Variants in FRMD6 observed in about 807,000 individuals in gnomAD.
FRMD6 encodes FERM domain-containing protein 6.
A neutral mutation model predicts 73.2 loss-of-function variants in FRMD6; 37 were observed. That is an observed-to-expected ratio of 0.51 (90% CI 0.39 to 0.66). FRMD6 has a LOEUF of 0.66. FRMD6 is among the 30% of genes least tolerant of loss of function. The pLI is 0.00. For missense variants in FRMD6, 714 were observed against 780.5 expected (o/e 0.91, Z 1.02); for synonymous variants, 273 against 282.2 (o/e 0.97, Z 0.33).
At chr14:51,399,763 T>C in the FRMD6 span, among the ~76,000 whole-genome samples, 4 of 152,192 alleles carry the variant, frequency 2.6e-5, no homozygotes. Context: ...TATTATTGAT[T>C]GACTCTCATA....
intron 2 of FRMD6, among the ~76,000 whole-genome samples, chr14:51,600,895 A>G (rs183113325): frequency 6.6e-6 from 1 of 152,374 alleles, no homozygotes; most frequent in African/African-American, 2.4e-5. Context: ...TGCAGCAAGC[A>G]GCAGTTGCCC....
intron 1 of FRMD6, among the ~76,000 whole-genome samples, chr14:51,494,109 A>G (rs775854654): frequency 6.7e-6 from 1 of 150,162 alleles, no homozygotes; most frequent in Non-Finnish European, 1.5e-5. Context: ...TGCAGACAAT[A>G]TCATTCTGTC....
At chr14:51,505,302 C>T (rs1883891513) in intron 1 of FRMD6, among the ~76,000 whole-genome samples, 1 of 152,070 alleles carries the variant, frequency 6.6e-6, no homozygotes, top group African/African-American at 2.4e-5. Context: ...AACTCCTGAC[C>T]TCAAGCAATC....
chr14:51,578,939 A>G (rs576708166), intron 2 of FRMD6: 1 of 152,184 alleles, frequency 6.6e-6, no homozygotes, highest in Non-Finnish European at 1.5e-5. Flanking sequence ...ATGGGAAGGT[A>G]ATAAATGATA....
At chr14:51,424,496 G>A in the FRMD6 span, among the ~76,000 whole-genome samples, 1 of 152,098 alleles carries the variant, frequency 6.6e-6, no homozygotes, top group Non-Finnish European at 1.5e-5. Context: ...TAAAGGCTGT[G>A]AATCAGGACG....
At chr14:51,624,855 C>A (rs1352067062) in intron 2 of FRMD6, among the ~76,000 whole-genome samples, 1 of 152,114 alleles carries the variant, frequency 6.6e-6, no homozygotes, top group Non-Finnish European at 1.5e-5. Flanking sequence ...AAAAATGTGT[C>A]TGGAAGAGTA....
chr14:51,485,151 TAC>T (rs1300749265), upstream of FRMD6, among the ~76,000 whole-genome samples: 1 of 152,202 alleles, frequency 6.6e-6, no homozygotes, highest in Non-Finnish European at 1.5e-5. Context: ...AGAACATGGT[TAC>T]AGAGGGCCTC....
intron 2 of FRMD6, among the ~76,000 whole-genome samples, chr14:51,619,707 C>G (rs1022505803): frequency 6.6e-6 from 1 of 152,190 alleles, no homozygotes; most frequent in Non-Finnish European, 1.5e-5. Flanking sequence ...GAGTTTTGTG[C>G]CTTCTAGCAG....
At chr14:51,499,467 AC>A (rs1566778531) in intron 1 of FRMD6, among the ~76,000 whole-genome samples, 2 of 152,248 alleles carry the variant, frequency 1.3e-5, no homozygotes, top group South Asian at 4.1e-4. Context: ...AAAAGCTTCA[AC>A]TACATTAACT....
At chr14:51,457,686 GC>G in the FRMD6 span, among the ~76,000 whole-genome samples, 7 of 152,168 alleles carry the variant, frequency 4.6e-5, no homozygotes, top group Admixed American at 4.6e-4. Flanking sequence ...GTAGCACTTC[GC>G]TGTAATTGGG....
intron 1 of FRMD6, among the ~76,000 whole-genome samples, chr14:51,494,689 C>T (rs11157826): frequency 0.19 from 28,359 of 152,090 alleles, 2,911 homozygotes; most frequent in Non-Finnish European, 0.24. Context: ...GGCTGCACTC[C>T]GCATTGATTT....
Position 51,676,805 on chromosome 14 carries a change from T to G in FRMD6, c.-146-12886T>G, listed in dbSNP as rs111650947. On this transcript the variant is annotated intron_variant, in intron 1 of 13. Transcript: ENST00000344768. ...AGTTCTCTGCTGCTTTCTGAATATG[T>G]CATCCTACCTCCAGCCTCCCCCACA... is the stretch of plus-strand genomic sequence containing the variant. 6.8e-3 allele frequency among the ~76,000 whole-genome samples: 1,035 copies of G among 152,290 alleles called. 14 individuals carry two copies. Among genetic ancestry groups the G allele is most frequent in the African/African-American group, 0.024 (987 of 41,586 alleles).
At chr14:51,536,976 A>G (rs962851912) in intron 1 of FRMD6, among the ~76,000 whole-genome samples, 2 of 152,214 alleles carry the variant, frequency 1.3e-5, no homozygotes, top group Admixed American at 6.5e-5. Flanking sequence ...AACTATCAAC[A>G]TTCCCCACCA....
At chr14:51,502,992 C>G (rs775014515) in intron 1 of FRMD6, among the ~76,000 whole-genome samples, 3 of 152,136 alleles carry the variant, frequency 2.0e-5, no homozygotes, top group Non-Finnish European at 4.4e-5. Flanking sequence ...ATTTGGCTCT[C>G]TGCTCACCTA....
chr14:51,525,009 G>A (rs1318434741), intron 1 of FRMD6, among the ~76,000 whole-genome samples: 1 of 137,980 alleles, frequency 7.2e-6, no homozygotes, highest in Non-Finnish European at 1.6e-5. Flanking sequence ...AGGATTGTGT[G>A]TTGGGTGGGT....
the FRMD6 span, among the ~76,000 whole-genome samples, chr14:51,420,973 C>T: frequency 7.9e-5 from 12 of 152,148 alleles, no homozygotes; most frequent in African/African-American, 2.9e-4. Flanking sequence ...AGACGGGTTT[C>T]ACCATGTTGG....
chr14:51,448,564 T>C, the FRMD6 span, among the ~76,000 whole-genome samples: 1 of 152,226 alleles, frequency 6.6e-6, no homozygotes, highest in African/African-American at 2.4e-5. Context: ...TAGAAATATA[T>C]GCTGAAATAT....
At chr14:51,400,096 T>C in the FRMD6 span, among the ~76,000 whole-genome samples, 2 of 152,158 alleles carry the variant, frequency 1.3e-5, no homozygotes, top group Admixed American at 6.5e-5. Flanking sequence ...TCATCTCAAA[T>C]ATCTATCATT....
chr14:51,691,913 T>C (rs1016601533), intron 2 of FRMD6, among the ~76,000 whole-genome samples: 1 of 151,564 alleles, frequency 6.6e-6, no homozygotes, highest in African/African-American at 2.4e-5. Flanking sequence ...ATATTTTTAA[T>C]CCAATTGCTA....
Sources: allele counts gnomAD v4.1 joint callset (sites outside exome capture counted in the v4.1 genomes callset), GRCh38; gene constraint gnomAD v4.1.1; transcripts MANE v1.5; gene names NCBI Gene and HGNC (gene_info 2026-07-23, HGNC 2026-07-21).